The following PPP6R2 variants were observed in gnomAD, a reference collection of about 807,000 sequenced individuals.
PPP6R2 encodes the protein serine/threonine-protein phosphatase 6 regulatory subunit 2.
In PPP6R2, 62 loss-of-function variants were observed where a neutral mutation model predicts 100.2. The observed-to-expected ratio is 0.62, with a 90% CI of 0.50 to 0.76. The LOEUF is 0.76. Among genes scored for constraint, PPP6R2 ranks in the 30% least tolerant of loss-of-function variants. The pLI is 0.00. For missense variants in PPP6R2, 1,142 were observed against 1,276.3 expected, an observed-to-expected ratio of 0.89 and a Z score of 1.60; for synonymous variants, 525 against 514.7, an observed-to-expected ratio of 1.02 and a Z score of -0.27.
intron 9 of PPP6R2, 121 bp downstream of exon 9, chr22:50,422,501 G>A: frequency 7.3e-7 from 1 of 1,362,032 alleles, no homozygotes; most frequent in Non-Finnish European, 9.9e-7. Context: ...TGTGTTCTAA[G>A]ACGGCCATTC....
At chr22:50,363,391 CT>C (rs2048160798) in intron 1 of PPP6R2, among the ~76,000 whole-genome samples, 2 of 152,340 alleles carry the variant, frequency 1.3e-5, no homozygotes, top group East Asian at 3.9e-4. Flanking sequence ...AAGGCTTTTA[CT>C]TCAGAATTAT....
intron 4 of PPP6R2, among the ~76,000 whole-genome samples, chr22:50,410,612 G>A (rs1228782832): frequency 3.3e-5 from 5 of 149,394 alleles, no homozygotes; most frequent in East Asian, 3.9e-4. Context: ...TCAGCCTCCC[G>A]TCTGGGGGAT....
At chr22:50,368,191 A>G (rs1178686986) in intron 1 of PPP6R2, among the ~76,000 whole-genome samples, 1 of 152,244 alleles carries the variant, frequency 6.6e-6, no homozygotes, top group Non-Finnish European at 1.5e-5. Flanking sequence ...GCACAGCATC[A>G]CAGAGACGTT....
At chr22:50,405,563 G>C (rs2058748195) in intron 3 of PPP6R2, among the ~76,000 whole-genome samples, 1 of 123,516 alleles carries the variant, frequency 8.1e-6, no homozygotes, top group Non-Finnish European at 1.7e-5. Flanking sequence ...AGAGGTGAGA[G>C]GCCTGGCAGG....
In PPP6R2 at chr22:50,419,577, G is replaced by A. The variant is rs193134995; in HGVS notation, c.845+115G>A. On this transcript the variant is annotated intron_variant, in intron 8 of 23. Coordinates refer to ENST00000612753, the MANE Select transcript of PPP6R2 (RefSeq NM_001242898.2). ...GTGGTTTTAATTTTTGATTATGCAA[G>A]TAACAACATGGATAGATTCCCCTTG... 3.2e-5 allele frequency: 23 copies of A among 724,616 alleles called. No homozygotes were observed. In the South Asian group the frequency reaches 3.4e-4, roughly 11 times the overall value. 44.9% of individuals were successfully genotyped at this position (724,616 alleles called of 1,614,324 possible). A position where few individuals can be genotyped will look rare whatever the true frequency, so the allele number is the denominator to read the frequency against.
intron 2 of PPP6R2, among the ~76,000 whole-genome samples, chr22:50,381,902 C>T (rs376977633): frequency 5.7e-5 from 8 of 140,474 alleles, no homozygotes; most frequent in East Asian, 2.0e-4. Context: ...AGCGAGACTC[C>T]GTCTCAAAAA....
At chr22:50,351,026 GTT>G (rs1195469509) in intron 1 of PPP6R2, among the ~76,000 whole-genome samples, 19,869 of 80,550 alleles carry the variant, frequency 0.25, 2,694 homozygotes, top group South Asian at 0.44. Context: ...TCTCAACAGT[GTT>G]TTTTTTTTTT....
chr22:50,349,924 C>G (rs1271195091), intron 1 of PPP6R2, among the ~76,000 whole-genome samples: 3 of 151,642 alleles, frequency 2.0e-5, no homozygotes, highest in African/African-American at 7.3e-5. Flanking sequence ...TCGAGACCAG[C>G]CTGAACAACA....
At chr22:50,410,806 G>A (rs141110259) in intron 4 of PPP6R2, among the ~76,000 whole-genome samples, 23 of 150,460 alleles carry the variant, frequency 1.5e-4, no homozygotes, top group Admixed American at 1.1e-3. Context: ...TTTTGTTTTC[G>A]TTTGAGACAA....
intron 22 of PPP6R2, 120 bp downstream of exon 22, chr22:50,441,146 T>C: frequency 2.2e-6 from 2 of 904,230 alleles, no homozygotes; most frequent in Non-Finnish European, 3.2e-6. Context: ...TTCTCCACAC[T>C]GCCTCCCCCA....
At position 50,444,269 on chromosome 22, in the gene PPP6R2, G is replaced by A. The variant is rs779322643; in HGVS notation, c.*22G>A. 1.9e-6 allele frequency: 3 copies of A among 1,611,280 alleles called. No individual in the cohort carries two copies. The highest frequency in any genetic ancestry group is 2.2e-5 in the South Asian group (2 of 90,668). ...GTGATGCTGCTGCCGCCCGGCCACG[G>A]CCCACCCTGGTCAGGCTGCCTCCTT... is the stretch of plus-strand genomic sequence containing the variant. On this transcript the variant is annotated 3_prime_UTR_variant, in exon 24 of 24. Transcript: ENST00000612753.
intron 2 of PPP6R2, among the ~76,000 whole-genome samples, chr22:50,388,065 G>A (rs1226428152): frequency 3.3e-5 from 5 of 152,064 alleles, no homozygotes; most frequent in Non-Finnish European, 7.4e-5. Flanking sequence ...TGCTCATGCT[G>A]TAATCCCAGC....
intron 4 of PPP6R2, among the ~76,000 whole-genome samples, chr22:50,410,384 G>C (rs1468756850): frequency 6.6e-6 from 1 of 151,816 alleles, no homozygotes; most frequent in East Asian, 1.9e-4. Flanking sequence ...GAAATACACT[G>C]CAGTTCTCTG....
At chr22:50,366,166 AT>A (rs2048716866) in intron 1 of PPP6R2, among the ~76,000 whole-genome samples, 1 of 152,060 alleles carries the variant, frequency 6.6e-6, no homozygotes, top group Non-Finnish European at 1.5e-5. Context: ...AACCCTAGTA[AT>A]TTTTAGTCTA....
intron 3 of PPP6R2, among the ~76,000 whole-genome samples, chr22:50,402,301 G>A (rs2058172364): frequency 6.6e-6 from 1 of 151,528 alleles, no homozygotes; most frequent in African/African-American, 2.4e-5. Context: ...AGCTGAGTTG[G>A]GAAGAGGGCT....
chr22:50,441,393 C>G (rs1467375716), intron 22 of PPP6R2, among the ~76,000 whole-genome samples: 1 of 152,186 alleles, frequency 6.6e-6, no homozygotes, highest in Non-Finnish European at 1.5e-5. Flanking sequence ...TCTTGGGGCT[C>G]TGGGCCTGGC....
At chr22:50,338,007 AGTGT>A in the PPP6R2 span, among the ~76,000 whole-genome samples, 3 of 95,692 alleles carry the variant, frequency 3.1e-5, no homozygotes, top group African/African-American at 1.3e-4. Context: ...GTGTGGGTAT[AGTGT>A]GTGTGGGGGG....
chr22:50,373,373 C>G (rs1043570670), intron 2 of PPP6R2, among the ~76,000 whole-genome samples: 1 of 150,872 alleles, frequency 6.6e-6, no homozygotes, highest in African/African-American at 2.4e-5. Flanking sequence ...TCCCGAGTAG[C>G]TGGGACTACA....
chr22:50,378,429 A>G lies in PPP6R2; in HGVS notation c.-17+6279A>G, dbSNP rs567364503. Among the ~76,000 whole-genome samples, 3 of 152,086 alleles carry G rather than the reference A, an allele frequency of 2.0e-5. No individual in the cohort carries two copies. The East Asian group carries it at 5.8e-4, about 29-fold the overall frequency. On this transcript the variant is annotated intron_variant, in intron 2 of 23. Transcript: ENST00000612753. The stretch of plus-strand genomic sequence containing the variant: ...TGGAGAAACCCCATCTCTACTAAAA[A>G]TACAAAATTAGCCAGACGTGGTGGT...
Sources: allele counts gnomAD v4.1 joint callset (sites outside exome capture counted in the v4.1 genomes callset), GRCh38; gene constraint gnomAD v4.1.1; transcripts MANE v1.5; gene names NCBI Gene and HGNC (gene_info 2026-07-23, HGNC 2026-07-21).